Variants in LRP5 observed in about 807,000 individuals in gnomAD.
LRP5 encodes low-density lipoprotein receptor-related protein 5.
In LRP5, 62 loss-of-function variants were observed where a neutral mutation model predicts 154.1. The observed-to-expected ratio is 0.40, with a 90% CI of 0.33 to 0.50. The LOEUF (loss-of-function observed/expected upper bound fraction) is 0.50. Ranked by LOEUF, LRP5 falls within the 20% of genes least tolerant of loss-of-function variation. The pLI is 0.55. For synonymous variants in LRP5, 966 were observed against 1,011.5 expected (o/e 0.96, Z 0.85); for missense variants, 1,915 against 2,336.7 (o/e 0.82, Z 3.72).
At chr11:68,328,137 T>A (rs1275377002) in intron 1 of LRP5, among the ~76,000 whole-genome samples, 1 of 152,354 alleles carries the variant, frequency 6.6e-6, no homozygotes, top group Non-Finnish European at 1.5e-5. Context: ...TCCAGTTCCC[T>A]GGCATGGTAC....
chr11:68,333,483 T>G (rs1371320924), intron 1 of LRP5, among the ~76,000 whole-genome samples: 1 of 152,178 alleles, frequency 6.6e-6, no homozygotes, highest in Non-Finnish European at 1.5e-5. Flanking sequence ...CCCTGGTCCC[T>G]GTCATTTTAG....
chr11:68,425,244 T>C lies in LRP5; in HGVS notation c.3379T>C (p.Phe1127Leu), dbSNP rs556325422. 6 of 1,612,158 alleles carry C rather than the reference T, an allele frequency of 3.7e-6. No homozygotes were observed. In the East Asian group the frequency reaches 1.3e-4, roughly 36 times the overall value. Residue 1127 changes from phenylalanine (F) to leucine (L), a missense_variant, in exon 15 of 23, where the codon TTC becomes CTC. Physicochemically the swap from Phe to Leu is conservative, Grantham distance 22. This residue lies in a region of LRP5 where 1,094 missense variants were observed against 1,210.1 expected (regional missense o/e 0.90). Coordinates refer to ENST00000294304, the MANE Select transcript of LRP5 (RefSeq NM_002335.4). The part of the protein sequence containing the change: ...LVVDNTLGKL[F>L]WVDADLKRIE... ...GGTGGACAACACACTGGGCAAGCTGTTCTGGGTGGACGCGGACCTGAAGCG... is the reference window on the plus strand; with the variant it reads ...GGTGGACAACACACTGGGCAAGCTGCTCTGGGTGGACGCGGACCTGAAGCG...
rs762251780 is a variant in LRP5, at chr11:68,448,934, A to AC, written c.4716dup (p.Tyr1573LeufsTer71). The AC allele has an allele frequency of 6.2e-7, 1 of 1,612,888 alleles. No individual in the cohort carries two copies. Among genetic ancestry groups the AC allele is most frequent in the Non-Finnish European group, 8.5e-7 (1 of 1,179,858 alleles). ...TACCTGGATTTGAACTCGGACTCAG[A>AC]CCCCTATCCACCCCCACCCACGCCC... On this transcript the variant is annotated frameshift_variant, in exon 23 of 23. Transcript: ENST00000294304. LOFTEE classifies it high-confidence loss of function.
intron 11 of LRP5, among the ~76,000 whole-genome samples, chr11:68,412,505 C>T (rs1297850441): frequency 2.6e-5 from 4 of 152,092 alleles, no homozygotes; most frequent in East Asian, 3.9e-4. Context: ...ATTAGCTGGG[C>T]ATGGTGGTTC....
chr11:68,373,588 C>T (rs1391259029), intron 5 of LRP5, among the ~76,000 whole-genome samples: 2 of 152,180 alleles, frequency 1.3e-5, no homozygotes, highest in African/African-American at 2.4e-5. Context: ...ATGGCGGCTG[C>T]GATGCTGCTC....
At chr11:68,320,552 C>G (rs1369664913) in intron 1 of LRP5, among the ~76,000 whole-genome samples, 1 of 151,552 alleles carries the variant, frequency 6.6e-6, no homozygotes, top group Non-Finnish European at 1.5e-5. Context: ...ACCTCTGCCT[C>G]CCGGGTTCCA....
At chr11:68,365,547 C>G in intron 4 of LRP5, 24 bp from the exon 5 acceptor site, 1 of 1,613,680 alleles carries the variant, frequency 6.2e-7, no homozygotes, top group Non-Finnish European at 8.5e-7. Flanking sequence ...GGAACCTTCT[C>G]TCACTCTGTC....
intron 8 of LRP5, among the ~76,000 whole-genome samples, chr11:68,405,239 G>A (rs2098654951): frequency 6.6e-6 from 1 of 151,946 alleles, no homozygotes; most frequent in Non-Finnish European, 1.5e-5. Flanking sequence ...GACTGAGGCA[G>A]GAGGATCACT....
chr11:68,308,881 T>TG (rs1186522138), upstream of LRP5, among the ~76,000 whole-genome samples: 1 of 150,586 alleles, frequency 6.6e-6, no homozygotes, highest in African/African-American at 2.5e-5. Flanking sequence ...CCCGAGTAGT[T>TG]GGGATTACAG....
At chr11:68,388,213 G>T (rs984154054) in intron 6 of LRP5, among the ~76,000 whole-genome samples, 43 of 152,256 alleles carry the variant, frequency 2.8e-4, no homozygotes, top group African/African-American at 1.0e-3. Context: ...GGGGTCCCCA[G>T]GGGCTTTAGC....
chr11:68,305,539 C>T, the LRP5 span, among the ~76,000 whole-genome samples: 12 of 152,128 alleles, frequency 7.9e-5, no homozygotes, highest in East Asian at 1.7e-3. Context: ...TCCTCCCGGG[C>T]GCAAGTGATT....
chr11:68,365,458 G>A, intron 4 of LRP5, 113 bp from the exon 5 acceptor site: 1 of 1,504,718 alleles, frequency 6.6e-7, no homozygotes, highest in Non-Finnish European at 9.2e-7. Context: ...CGATGTTTGG[G>A]CAGAGGGACA....
In LRP5 at chr11:68,406,812, A is replaced by G. The variant is rs1565083843; in HGVS notation, c.2090A>G (p.Lys697Arg). Residue 697 changes from lysine to arginine, a missense_variant and splice_region_variant, in exon 9 of 23, where the codon AAG (lysine) becomes AGG (arginine). Coordinates refer to ENST00000294304, the MANE Select transcript of LRP5 (RefSeq NM_002335.4). ...NHIYWTDVSL[K>R]TISRAFMNGS... ...ATCTACTGGACAGACGTCAGCCTGA[A>G]GGTAGCGTGGGCCAGAACGTGCACA... 1 of 1,613,764 alleles carries G rather than the reference A, an allele frequency of 6.2e-7. No homozygotes were observed. Among genetic ancestry groups the G allele is most frequent in the African/African-American group, 1.3e-5 (1 of 75,050 alleles).
intron 1 of LRP5, among the ~76,000 whole-genome samples, chr11:68,323,012 A>G (rs555622015): frequency 1.3e-5 from 2 of 152,248 alleles, no homozygotes; most frequent in African/African-American, 4.8e-5. Flanking sequence ...TGGCATTCTT[A>G]CCATTTTCAG....
chr11:68,412,244 A>G (rs541077998), intron 11 of LRP5, among the ~76,000 whole-genome samples: 1 of 152,314 alleles, frequency 6.6e-6, no homozygotes, highest in Non-Finnish European at 1.5e-5. Flanking sequence ...CTGCTAGAGT[A>G]GTTAGCTGTC....
At chr11:68,359,648 A>T (rs1252975870) in intron 3 of LRP5, among the ~76,000 whole-genome samples, 1 of 152,110 alleles carries the variant, frequency 6.6e-6, no homozygotes, top group African/African-American at 2.4e-5. Flanking sequence ...TACCACCTCT[A>T]TGAAACGTTT....
chr11:68,356,864 C>A (rs1338286154), intron 2 of LRP5, among the ~76,000 whole-genome samples: 1 of 152,094 alleles, frequency 6.6e-6, no homozygotes, highest in African/African-American at 2.4e-5. Context: ...TACAGATTGG[C>A]TCTTTCACCT....
At chr11:68,366,461 G>C (rs2098631117) in intron 5 of LRP5, among the ~76,000 whole-genome samples, 1 of 152,112 alleles carries the variant, frequency 6.6e-6, no homozygotes, top group African/African-American at 2.4e-5. Flanking sequence ...TGAGCACATG[G>C]GGGTCCTGAC....
chr11:68,433,757 C>A lies in LRP5; in HGVS notation c.3919C>A (p.Arg1307=). 6.2e-7 allele frequency: 1 copy of A among 1,612,690 alleles called. No homozygotes were observed. ...VCSAAQFPCA[R]GQCVDLRLRC... ...CTCCGCCGCCCAGTTCCCCTGCGCG[C>A]GGGGTCAGTGTGTGGACCTGCGCCT... Residue 1307 remains arginine (R), a synonymous_variant, in exon 18 of 23, where the codon CGG becomes AGG. Coordinates refer to ENST00000294304, the MANE Select transcript of LRP5 (RefSeq NM_002335.4).
Sources: allele counts gnomAD v4.1 joint callset (sites outside exome capture counted in the v4.1 genomes callset), GRCh38; gene constraint gnomAD v4.1.1; regional missense constraint gnomAD v4.1.1; transcripts MANE v1.5; gene names NCBI Gene and HGNC (gene_info 2026-07-23, HGNC 2026-07-21).